The following CNTN5 variants were observed in gnomAD, a reference collection of about 807,000 sequenced individuals.
The protein encoded by CNTN5 is contactin 5, also known as contactin-5.
CNTN5 carries 77 observed loss-of-function variants against 129.1 expected under a neutral mutation model. That is an observed-to-expected ratio of 0.60 (90% CI 0.50 to 0.72). The LOEUF (loss-of-function observed/expected upper bound fraction) is 0.72, where lower values mean the gene tolerates loss of function less well. Ranked by LOEUF, CNTN5 falls within the 30% of genes least tolerant of loss-of-function variation. The pLI is 0.00. For missense variants in CNTN5, 1,478 were observed against 1,328.8 expected (o/e 1.11, Z -1.75); for synonymous variants, 509 against 465.6 (o/e 1.09, Z -1.20).
At chr11:99,970,035 CA>C (rs1220588779) in intron 8 of CNTN5, among the ~76,000 whole-genome samples, 3 of 152,162 alleles carry the variant, frequency 2.0e-5, no homozygotes, top group Admixed American at 2.0e-4. Flanking sequence ...AGTCATCAAA[CA>C]TAAACATTTC....
chr11:99,295,628 G>A (rs747988520), intron 1 of CNTN5, among the ~76,000 whole-genome samples: 1 of 152,054 alleles, frequency 6.6e-6, no homozygotes, highest in Non-Finnish European at 1.5e-5. Flanking sequence ...TGTAATCCCA[G>A]CACTTTGGGA....
chr11:100,170,177 T>C (rs1028838758), intron 13 of CNTN5, among the ~76,000 whole-genome samples: 1 of 152,020 alleles, frequency 6.6e-6, no homozygotes, highest in Admixed American at 6.6e-5. Flanking sequence ...ACATTTCTAA[T>C]TCTCACCATA....
chr11:99,869,614 C>A (rs1417605509), intron 6 of CNTN5, among the ~76,000 whole-genome samples: 1 of 152,120 alleles, frequency 6.6e-6, no homozygotes, highest in Non-Finnish European at 1.5e-5. Flanking sequence ...ATAGCAGAAA[C>A]ATACTCATTT....
At chr11:99,132,722 G>T (rs1331995664) in intron 1 of CNTN5, among the ~76,000 whole-genome samples, 1 of 152,106 alleles carries the variant, frequency 6.6e-6, no homozygotes, top group East Asian at 1.9e-4. Flanking sequence ...TCTTCAAAGA[G>T]AACTGCAAAC....
At chr11:99,357,244 C>A (rs1365238718) in intron 2 of CNTN5, among the ~76,000 whole-genome samples, 1 of 152,066 alleles carries the variant, frequency 6.6e-6, no homozygotes, top group Non-Finnish European at 1.5e-5. Context: ...CCTTATTTGC[C>A]TCTTTTTAAA....
intron 9 of CNTN5, among the ~76,000 whole-genome samples, chr11:100,019,358 A>C (rs1201712962): frequency 6.6e-6 from 1 of 151,932 alleles, no homozygotes; most frequent in Non-Finnish European, 1.5e-5. Context: ...TTTTCAATGA[A>C]TATCAAACTT....
chr11:99,114,213 T>G lies in CNTN5; in HGVS notation c.-210+92943T>G, dbSNP rs367678580. On this transcript the variant is annotated intron_variant, in intron 1 of 24. Transcript: ENST00000524871. ...CTTTGTCTTTCTAGCTCTGCAGTAC[T>G]GATTTATTTTAATATTACTGTATGT... Among the ~76,000 whole-genome samples, 112 of 112,052 alleles carry G rather than the reference T, an allele frequency of 1.0e-3. 1 individual carries two copies. Among genetic ancestry groups the G allele is most frequent in the African/African-American group, 3.8e-3 (107 of 28,230 alleles). 73.5% of individuals were successfully genotyped at this position (112,052 alleles called of 152,430 possible).
chr11:99,865,367 C>A (rs1339475579), intron 6 of CNTN5, among the ~76,000 whole-genome samples: 1 of 151,868 alleles, frequency 6.6e-6, no homozygotes, highest in Non-Finnish European at 1.5e-5. Flanking sequence ...TGCCAGGAAT[C>A]AGAAGAGGAA....
intron 1 of CNTN5, among the ~76,000 whole-genome samples, chr11:99,082,538 G>C (rs540566774): frequency 6.6e-6 from 1 of 152,112 alleles, no homozygotes; most frequent in Non-Finnish European, 1.5e-5. Flanking sequence ...GGATTGAGAC[G>C]CTTTTCATTT....
chr11:100,293,856 G>T (rs1951048433), intron 18 of CNTN5, among the ~76,000 whole-genome samples: 1 of 151,640 alleles, frequency 6.6e-6, no homozygotes, highest in Admixed American at 6.6e-5. Context: ...GGCGGGTTGG[G>T]GGATGGTGGG....
intron 3 of CNTN5, among the ~76,000 whole-genome samples, chr11:99,798,556 G>A (rs566096587): frequency 6.6e-6 from 1 of 152,082 alleles, no homozygotes; most frequent in Non-Finnish European, 1.5e-5. Flanking sequence ...TGTTGACTTT[G>A]TTGAAGATTA....
At chr11:100,094,470 G>A (rs952368664) in intron 13 of CNTN5, among the ~76,000 whole-genome samples, 1 of 151,962 alleles carries the variant, frequency 6.6e-6, no homozygotes, top group Non-Finnish European at 1.5e-5. Flanking sequence ...AGAGTCAGTC[G>A]ACTTTTAAAC....
intron 3 of CNTN5, among the ~76,000 whole-genome samples, chr11:99,578,227 A>G (rs1949433022): frequency 6.6e-6 from 1 of 151,932 alleles, no homozygotes; most frequent in Non-Finnish European, 1.5e-5. Flanking sequence ...CCAGTCTATC[A>G]TTGTTGGACA....
intron 21 of CNTN5, among the ~76,000 whole-genome samples, chr11:100,336,683 C>T (rs1341493225): frequency 6.6e-6 from 1 of 152,156 alleles, no homozygotes; most frequent in South Asian, 2.1e-4. Context: ...GAAGTTTCAA[C>T]CTTAGAAAGT....
At chr11:100,338,399 C>T (rs979790275) in intron 21 of CNTN5, among the ~76,000 whole-genome samples, 1 of 152,174 alleles carries the variant, frequency 6.6e-6, no homozygotes, top group Admixed American at 6.5e-5. Context: ...GCACCCTTAG[C>T]ACCCTTAGCT....
At chr11:99,075,787 A>G (rs935900766) in intron 1 of CNTN5, among the ~76,000 whole-genome samples, 2 of 152,214 alleles carry the variant, frequency 1.3e-5, no homozygotes, top group African/African-American at 4.8e-5. Flanking sequence ...GTTATCAGTA[A>G]CAACTTTGTT....
At chr11:99,248,126 G>C (rs980093936) in intron 1 of CNTN5, among the ~76,000 whole-genome samples, 6 of 152,128 alleles carry the variant, frequency 3.9e-5, no homozygotes, top group African/African-American at 1.4e-4. Flanking sequence ...AGCACCTGTT[G>C]TTTCCTGACG....
chr11:99,022,098 A>C lies in CNTN5; in HGVS notation c.-210+828A>C, dbSNP rs144173907. ...AATTTAAATGCAGGTGAGAAGCAAAAAACTTTTAAACTGTTGTATGTTCAA... is the reference window on the plus strand; with the variant it reads ...AATTTAAATGCAGGTGAGAAGCAAACAACTTTTAAACTGTTGTATGTTCAA... On this transcript the variant is annotated intron_variant, in intron 1 of 24. Transcript: ENST00000524871. Among the ~76,000 whole-genome samples the C allele has an allele frequency of 2.6e-3, 400 of 152,316 alleles. 1 individual carries two copies. Among genetic ancestry groups the C allele is most frequent in the African/African-American group, 9.1e-3 (380 of 41,576 alleles).
intron 1 of CNTN5, among the ~76,000 whole-genome samples, chr11:99,298,705 C>T (rs1456375003): frequency 6.6e-6 from 1 of 152,060 alleles, no homozygotes; most frequent in African/African-American, 2.4e-5. Flanking sequence ...TTTTAAGTTC[C>T]CCTTGATTAA....
Sources: allele counts gnomAD v4.1 joint callset (sites outside exome capture counted in the v4.1 genomes callset), GRCh38; gene constraint gnomAD v4.1.1; transcripts MANE v1.5; gene names NCBI Gene and HGNC (gene_info 2026-07-23, HGNC 2026-07-21).